The following AGFG1 variants were observed in gnomAD, a reference collection of about 807,000 sequenced individuals.
AGFG1 encodes the protein arf-GAP domain and FG repeat-containing protein 1.
Under a neutral mutation model 60.6 loss-of-function variants are expected in AGFG1, and 10 were observed. That is an observed-to-expected ratio of 0.16 (90% confidence interval 0.10 to 0.28). The LOEUF (loss-of-function observed/expected upper bound fraction) is 0.28. Ranked by LOEUF, AGFG1 falls within the 10% of genes least tolerant of loss-of-function variation. The probability of loss-of-function intolerance (pLI) is 1.00; values close to 1 mark genes in which losing one functional copy is unlikely to be tolerated. For missense variants in AGFG1, 537 were observed against 676.5 expected (o/e 0.79, Z 2.29); for synonymous variants, 247 against 242.9 (o/e 1.02, Z -0.16).
intron 3 of AGFG1, 83 bp downstream of exon 3, chr2:227,520,146 G>A (rs1331928421): frequency 3.7e-6 from 3 of 807,976 alleles, no homozygotes. Flanking sequence ...CACAATGAAG[G>A]ATAAAAGACA....
intron 7 of AGFG1, 105 bp downstream of exon 7, chr2:227,533,863 T>G: frequency 9.0e-7 from 1 of 1,110,930 alleles, no homozygotes; most frequent in Non-Finnish European, 1.3e-6. Context: ...TCAGTTGTTG[T>G]ATAGAAATTT....
chr2:227,534,402 G>A (rs1340228642), intron 7 of AGFG1, among the ~76,000 whole-genome samples: 1 of 152,178 alleles, frequency 6.6e-6, no homozygotes, highest in African/African-American at 2.4e-5. Context: ...CTAGCACATA[G>A]TAAGTCCTCA....
chr2:227,500,742 A>G (rs766786436), intron 2 of AGFG1, among the ~76,000 whole-genome samples: 51 of 152,318 alleles, frequency 3.3e-4, no homozygotes, highest in Non-Finnish European at 5.6e-4. Context: ...CATTACTTGT[A>G]TAAACTGCAA....
chr2:227,528,450 C>T (rs964890667), intron 5 of AGFG1, among the ~76,000 whole-genome samples: 2 of 152,112 alleles, frequency 1.3e-5, no homozygotes, highest in Non-Finnish European at 2.9e-5. Context: ...GCGATTTCCC[C>T]CCTGACCAGA....
chr2:227,512,577 T>G (rs1691526741), intron 2 of AGFG1, among the ~76,000 whole-genome samples: 1 of 152,240 alleles, frequency 6.6e-6, no homozygotes, highest in South Asian at 2.1e-4. Flanking sequence ...CTCCCTCGTT[T>G]ATTCCTTTTA....
intron 5 of AGFG1, among the ~76,000 whole-genome samples, chr2:227,526,235 C>T (rs945458578): frequency 1.5e-4 from 23 of 152,026 alleles, no homozygotes; most frequent in Non-Finnish European, 1.5e-5. Context: ...GTCTCGCTCT[C>T]TCGCCGAGGC....
At chr2:227,552,753 G>A (rs1256675299) in intron 11 of AGFG1, among the ~76,000 whole-genome samples, 1 of 150,698 alleles carries the variant, frequency 6.6e-6, no homozygotes, top group African/African-American at 2.4e-5. Flanking sequence ...TGTAATCCCA[G>A]CACTTTGGGA....
At chr2:227,497,558 TAAGATTTACAAAAAA>T in intron 2 of AGFG1, among the ~76,000 whole-genome samples, 1 of 152,188 alleles carries the variant, frequency 6.6e-6, no homozygotes, top group East Asian at 1.9e-4. Context: ...ACATTCACTG[TAAGATTTACAAAAAA>T]AAATTTTTTT....
intron 10 of AGFG1, among the ~76,000 whole-genome samples, chr2:227,539,745 A>C (rs79530570): frequency 4.0e-4 from 46 of 115,246 alleles, no homozygotes; most frequent in African/African-American, 1.7e-3. Context: ...ACTCTAGCTC[A>C]CAAAAAAAAA....
chr2:227,560,946 A>G lies in AGFG1; in HGVS notation c.*6451A>G, dbSNP rs1693120461. 6.6e-6 allele frequency: 1 copy of G among 152,212 alleles called. No homozygotes were observed. Among genetic ancestry groups the G allele is most frequent in the Admixed American group, 6.5e-5 (1 of 15,290 alleles). The allele number at this position is 152,212 out of a possible 1,614,324, so 9.4% of individuals were successfully genotyped here. The stretch of plus-strand genomic sequence containing the variant: ...ACTTTAAATCCTAGGAATAGGGAAC[A>G]AGGAAACTTACTGGGAAGTTCAAAA... On this transcript the variant is annotated 3_prime_UTR_variant, in exon 13 of 13. Coordinates refer to ENST00000310078, the MANE Select transcript of AGFG1 (RefSeq NM_004504.5).
chr2:227,507,929 A>T (rs1157381768), intron 2 of AGFG1, among the ~76,000 whole-genome samples: 1 of 151,252 alleles, frequency 6.6e-6, no homozygotes, highest in Admixed American at 6.6e-5. Flanking sequence ...TCAATGAGGT[A>T]ATCTGTTTTT....
At chr2:227,504,153 A>T (rs541357592) in intron 2 of AGFG1, among the ~76,000 whole-genome samples, 60 of 148,914 alleles carry the variant, frequency 4.0e-4, no homozygotes, top group South Asian at 1.3e-3. Flanking sequence ...GGAGAGGTGG[A>T]GGGGAGGCGG....
chr2:227,532,101 T>C (rs756164230), intron 6 of AGFG1: 4 of 1,490,528 alleles, frequency 2.7e-6, no homozygotes, highest in Non-Finnish European at 2.7e-6. Context: ...TGTTTTTTCT[T>C]TAACTTTCAT....
intron 2 of AGFG1, among the ~76,000 whole-genome samples, chr2:227,513,595 A>G (rs566215877): frequency 4.6e-5 from 7 of 152,196 alleles, no homozygotes; most frequent in Non-Finnish European, 8.8e-5. Context: ...ACCCTGGGAT[A>G]TAACACTCTC....
chr2:227,560,046 A>T lies in AGFG1; in HGVS notation c.*5551A>T, dbSNP rs1285230571. 1 of 152,098 alleles carries T rather than the reference A, an allele frequency of 6.6e-6. No homozygotes were observed. The highest frequency in any genetic ancestry group is 1.9e-4 in the East Asian group (1 of 5,190). 9.4% of individuals were successfully genotyped at this position (152,098 alleles called of 1,614,324 possible). On this transcript the variant is annotated 3_prime_UTR_variant, in exon 13 of 13. Transcript: ENST00000310078. The stretch of plus-strand genomic sequence containing the variant: ...TTTCTTGTATTCTTGTGTAGTCTTT[A>T]AGAAATGTTATCGTTTATTTTATAT...
intron 2 of AGFG1, among the ~76,000 whole-genome samples, chr2:227,513,470 C>T (rs1160098898): frequency 1.3e-5 from 2 of 152,302 alleles, no homozygotes; most frequent in Non-Finnish European, 2.9e-5. Flanking sequence ...TGTGGGATTT[C>T]TGTAGCCTGG....
chr2:227,533,445 A>G, intron 6 of AGFG1, 104 bp from the exon 7 acceptor site: 1 of 996,270 alleles, frequency 1.0e-6, no homozygotes, highest in Non-Finnish European at 1.5e-6. Flanking sequence ...ATGTTGTAAG[A>G]TTGCTTATAG....
intron 1 of AGFG1, among the ~76,000 whole-genome samples, chr2:227,474,932 T>G (rs1690235285): frequency 1.3e-5 from 2 of 152,230 alleles, no homozygotes; most frequent in Admixed American, 6.5e-5. Flanking sequence ...GTTTTGGATG[T>G]AGATTTGTTT....
rs1486794750 is a variant in AGFG1 at position 227,533,579 on chromosome 2, T to A, written c.845T>A (p.Phe282Tyr). ...AGTGCTGCATCAGTAAATGCTAATT[T>A]TGCTCATTTTGATAACTTCCCCAAA... ...GGSAASVNAN[F>Y]AHFDNFPKSS... Residue 282 changes from phenylalanine (F) to tyrosine (Y), a missense_variant, in exon 7 of 13, where the codon TTT (phenylalanine) becomes TAT (tyrosine). Around this residue, in one of 4 missense-constraint regions of AGFG1, gnomAD observed 287 missense variants for 343.6 expected, o/e 0.84. Transcript: ENST00000310078. 3 of 1,613,656 alleles carry A rather than the reference T, an allele frequency of 1.9e-6. No individual in the cohort carries two copies. The highest frequency in any genetic ancestry group is 1.7e-5 in the Admixed American group (1 of 59,968).
Sources: gnomAD v4.1 joint callset for allele counts (sites outside exome capture counted in the v4.1 genomes callset) on GRCh38, gnomAD v4.1.1 for gene constraint, gnomAD v4.1.1 regional missense constraint, MANE v1.5 for transcripts, NCBI Gene and HGNC (gene_info 2026-07-23, HGNC 2026-07-21) for gene names.